Variants in TENM4 observed in about 807,000 individuals in gnomAD.
TENM4 encodes teneurin-4.
In TENM4, 82 loss-of-function variants were observed where a neutral mutation model predicts 243.3. That is an observed-to-expected ratio of 0.34 (90% CI 0.28 to 0.40). The LOEUF (loss-of-function observed/expected upper bound fraction) is 0.40, where lower values mean the gene tolerates loss of function less well. Among genes scored for constraint, TENM4 ranks in the 10% least tolerant of loss-of-function variants. The pLI, the probability that TENM4 is intolerant of heterozygous loss-of-function variation, is 1.00. For synonymous variants in TENM4, 1,412 were observed against 1,456.3 expected (o/e 0.97, Z 0.69); for missense variants, 3,138 against 3,673.3 (o/e 0.85, Z 3.77).
intron 6 of TENM4, among the ~76,000 whole-genome samples, chr11:78,916,062 A>AC (rs1366917840): frequency 6.6e-6 from 1 of 152,122 alleles, no homozygotes; most frequent in Admixed American, 6.5e-5. Context: ...CCTTTTCTGG[A>AC]CCCCAGTTTC....
At position 79,357,784 on chromosome 11, in the gene TENM4, T is replaced by C. The variant is rs1238577371; in HGVS notation, c.-320-60241A>G. ...AAATATAATTGATGACAATTTATTT[T>C]TTGGTTAAATGTATGCCTTTGGTTG... On this transcript the variant is annotated intron_variant, in intron 1 of 33. Coordinates refer to ENST00000278550, the MANE Select transcript of TENM4 (RefSeq NM_001098816.3). 4.6e-5 allele frequency among the ~76,000 whole-genome samples: 7 copies of C among 152,350 alleles called. No homozygotes were observed. The East Asian group carries it at 1.3e-3, about 29-fold the overall frequency.
intron 15 of TENM4, among the ~76,000 whole-genome samples, chr11:78,798,201 C>T (rs1857199936): frequency 6.6e-6 from 1 of 152,204 alleles, no homozygotes; most frequent in South Asian, 2.1e-4. Flanking sequence ...GAATTTAGCT[C>T]TAGTGCAACT....
intron 6 of TENM4, among the ~76,000 whole-genome samples, chr11:79,009,828 T>C (rs1348735315): frequency 6.6e-6 from 1 of 152,148 alleles, no homozygotes; most frequent in Non-Finnish European, 1.5e-5. Flanking sequence ...AGTGATATGG[T>C]TTGGCTCTGT....
At chr11:79,369,653 C>G (rs1262154788) in intron 1 of TENM4, among the ~76,000 whole-genome samples, 1 of 152,192 alleles carries the variant, frequency 6.6e-6, no homozygotes, top group East Asian at 1.9e-4. Flanking sequence ...CTCTTAAACT[C>G]AGGCTCATGT....
At chr11:78,696,281 T>G (rs1858959440) in intron 28 of TENM4, among the ~76,000 whole-genome samples, 1 of 152,224 alleles carries the variant, frequency 6.6e-6, no homozygotes, top group African/African-American at 2.4e-5. Flanking sequence ...CCATCTGATC[T>G]TGCACATTGT....
At chr11:78,900,578 T>G (rs497139) in intron 7 of TENM4, among the ~76,000 whole-genome samples, 146,429 of 152,300 alleles carry the variant, frequency 0.96, 70,565 homozygotes, top group Middle Eastern at 1. Flanking sequence ...TTAGAGTGTG[T>G]TTTCTAAATG....
At chr11:78,685,695 G>C (rs573707384) in intron 29 of TENM4, among the ~76,000 whole-genome samples, 6 of 152,310 alleles carry the variant, frequency 3.9e-5, no homozygotes, top group Non-Finnish European at 7.4e-5. Context: ...AGCCAGTTTA[G>C]CAGTATGGAA....
chr11:79,263,909 G>A (rs974669981), intron 2 of TENM4, among the ~76,000 whole-genome samples: 1 of 152,134 alleles, frequency 6.6e-6, no homozygotes, highest in Non-Finnish European at 1.5e-5. Flanking sequence ...CCCTATGCAT[G>A]GCCTACGGGG....
chr11:78,972,764 C>T (rs1272093671), intron 6 of TENM4, among the ~76,000 whole-genome samples: 3 of 152,166 alleles, frequency 2.0e-5, no homozygotes, highest in African/African-American at 7.2e-5. Flanking sequence ...GCAACCATCA[C>T]CACAATCCAT....
intron 15 of TENM4, among the ~76,000 whole-genome samples, chr11:78,792,302 C>G (rs564913892): frequency 6.6e-6 from 1 of 152,266 alleles, no homozygotes; most frequent in South Asian, 2.1e-4. Context: ...CTCTGGTCAC[C>G]TAGCATGGCA....
chr11:79,335,600 A>G (rs1857135092), intron 1 of TENM4, among the ~76,000 whole-genome samples: 1 of 152,182 alleles, frequency 6.6e-6, no homozygotes, highest in Non-Finnish European at 1.5e-5. Flanking sequence ...ACACCAGAGT[A>G]CCTCTGATGT....
chr11:79,392,029 A>G (rs1242935411), intron 1 of TENM4, among the ~76,000 whole-genome samples: 1 of 152,244 alleles, frequency 6.6e-6, no homozygotes, highest in African/African-American at 2.4e-5. Flanking sequence ...TGCAGTTGAT[A>G]TTACAGAAAA....
rs577771210 is a variant in TENM4 at position 79,080,379 on chromosome 11, C to A, written c.-65-10370G>T. ...ACAAAGGATGCAAAAGAGCAACTGA[C>A]ACAGACACCCGGGGTAGGGGGGCAC... On this transcript the variant is annotated intron_variant, in intron 4 of 33. Coordinates refer to ENST00000278550, the MANE Select transcript of TENM4 (RefSeq NM_001098816.3). Among the ~76,000 whole-genome samples, 5 of 152,374 alleles carry A rather than the reference C, an allele frequency of 3.3e-5. No individual in the cohort carries two copies. In the East Asian group the frequency reaches 9.6e-4, roughly 29 times the overall value.
chr11:79,110,263 C>CTA (rs1861474133), intron 4 of TENM4, among the ~76,000 whole-genome samples: 1 of 152,310 alleles, frequency 6.6e-6, no homozygotes, highest in African/African-American at 2.4e-5. Flanking sequence ...CATAAGCCTA[C>CTA]TATACAGCCC....
chr11:78,878,847 AAGATGTTTAC>A (rs1351510742), intron 9 of TENM4, among the ~76,000 whole-genome samples: 1 of 152,244 alleles, frequency 6.6e-6, no homozygotes, highest in African/African-American at 2.4e-5. Context: ...CAGAGGCACA[AAGATGTTTAC>A]AGAAGTGCTA....
chr11:79,091,442 T>G (rs1468169095), intron 4 of TENM4, among the ~76,000 whole-genome samples: 4 of 152,192 alleles, frequency 2.6e-5, no homozygotes, highest in Non-Finnish European at 1.5e-5. Flanking sequence ...CCTGCCTGCA[T>G]TCCTCTACCC....
chr11:79,269,240 T>C (rs1222387210), intron 2 of TENM4, among the ~76,000 whole-genome samples: 5 of 152,268 alleles, frequency 3.3e-5, no homozygotes, highest in Admixed American at 6.5e-5. Context: ...AAAACTATGC[T>C]GTGATAGTCT....
At chr11:79,215,325 T>C (rs949565804) in intron 3 of TENM4, among the ~76,000 whole-genome samples, 1 of 152,192 alleles carries the variant, frequency 6.6e-6, no homozygotes, top group Non-Finnish European at 1.5e-5. Flanking sequence ...ACCACCTGCC[T>C]TCTGGACAGC....
chr11:79,101,051 G>A (rs1019727312), intron 4 of TENM4, among the ~76,000 whole-genome samples: 3 of 151,844 alleles, frequency 2.0e-5, no homozygotes, highest in Non-Finnish European at 2.9e-5. Flanking sequence ...AGAAAAGCAA[G>A]AGAATAAGTG....
Sources: gnomAD v4.1 joint callset for allele counts (sites outside exome capture counted in the v4.1 genomes callset) on GRCh38, gnomAD v4.1.1 for gene constraint, MANE v1.5 for transcripts, NCBI Gene and HGNC (gene_info 2026-07-23, HGNC 2026-07-21) for gene names.